Variants in ZFHX3 observed in about 807,000 individuals in gnomAD.
The protein encoded by ZFHX3 is zinc finger homeobox protein 3.
A neutral mutation model predicts 279.1 loss-of-function variants in ZFHX3; 42 were observed. The observed-to-expected ratio is 0.15, with a 90% CI of 0.12 to 0.19. The LOEUF (loss-of-function observed/expected upper bound fraction) is 0.19. ZFHX3 is among the 10% of genes least tolerant of loss of function. ZFHX3 has a pLI of 1.00. For synonymous variants in ZFHX3, 2,293 were observed against 1,957.8 expected, an observed-to-expected ratio of 1.17 and a Z score of -4.52; for missense variants, 4,981 against 4,754.0, an observed-to-expected ratio of 1.05 and a Z score of -1.40.
intron 1 of ZFHX3, among the ~76,000 whole-genome samples, chr16:73,784,934 G>A (rs1959599084): frequency 6.6e-6 from 1 of 151,686 alleles, no homozygotes; most frequent in Admixed American, 6.6e-5. Context: ...CTGCTTCCCA[G>A]AGGAAACCAC....
At chr16:73,264,833 G>T (rs973308053) in intron 4 of ZFHX3, among the ~76,000 whole-genome samples, 1 of 151,986 alleles carries the variant, frequency 6.6e-6, no homozygotes, top group Non-Finnish European at 1.5e-5. Flanking sequence ...AACAATGTTT[G>T]GTTTTCCATT....
intron 1 of ZFHX3, among the ~76,000 whole-genome samples, chr16:73,771,601 A>T (rs1242576021): frequency 6.6e-6 from 1 of 152,138 alleles, no homozygotes; most frequent in African/African-American, 2.4e-5. Flanking sequence ...TTCTGGCTCT[A>T]TCAGACCAAT....
intron 7 of ZFHX3, among the ~76,000 whole-genome samples, chr16:73,109,110 G>A (rs554938862): frequency 1.3e-5 from 2 of 152,344 alleles, no homozygotes; most frequent in East Asian, 1.9e-4. Flanking sequence ...TGGTCTTTCC[G>A]CAGGACTAGA....
intron 7 of ZFHX3, among the ~76,000 whole-genome samples, chr16:73,103,564 A>G (rs1966257693): frequency 6.6e-6 from 1 of 152,076 alleles, no homozygotes; most frequent in Non-Finnish European, 1.5e-5. Flanking sequence ...CAGTACAGTT[A>G]ATTTGTTTTT....
intron 5 of ZFHX3, among the ~76,000 whole-genome samples, chr16:73,151,528 C>G (rs963593733): frequency 6.6e-6 from 1 of 151,586 alleles, no homozygotes; most frequent in Non-Finnish European, 1.5e-5. Context: ...GCCTCCTGCT[C>G]GGTGGGAAAG....
At chr16:73,535,744 A>G (rs2143737689) in intron 2 of ZFHX3, among the ~76,000 whole-genome samples, 1 of 141,132 alleles carries the variant, frequency 7.1e-6, no homozygotes, top group African/African-American at 2.7e-5. Flanking sequence ...TTTTTCTTAG[A>G]AGGAGTCTCC....
In ZFHX3 at chr16:73,721,155, C is replaced by T. The variant is rs551301866; in HGVS notation, c.-1607-40915G>A. Among the ~76,000 whole-genome samples, 4 of 152,132 alleles carry T rather than the reference C, an allele frequency of 2.6e-5. No individual in the cohort carries two copies. The South Asian group carries it at 8.3e-4, about 32-fold the overall frequency. ...TTTTCTTTTTTTTGACAGAGTCTCA[C>T]TCTGTCGCCAGGCTGGCATGCAGTG... On this transcript the variant is annotated intron_variant, in intron 1 of 17. Transcript: ENST00000641206.
chr16:73,736,133 G>A (rs1222951961), intron 1 of ZFHX3, among the ~76,000 whole-genome samples: 1 of 152,090 alleles, frequency 6.6e-6, no homozygotes, highest in African/African-American at 2.4e-5. Context: ...ATGACATTGA[G>A]GTCAGAAATG....
chr16:72,898,038 G>T (rs748324879), intron 3 of ZFHX3, among the ~76,000 whole-genome samples: 2 of 152,176 alleles, frequency 1.3e-5, no homozygotes, highest in African/African-American at 4.8e-5. Flanking sequence ...AACCAGGAGT[G>T]GGGGAGGTTA....
chr16:73,093,201 C>T (rs375198244), intron 8 of ZFHX3: 39 of 519,756 alleles, frequency 7.5e-5, no homozygotes, highest in Non-Finnish European at 1.2e-4. Context: ...GACGACCACG[C>T]GCATGCAGAG....
chr16:73,140,492 G>A (rs965702936), intron 6 of ZFHX3, among the ~76,000 whole-genome samples: 3 of 152,146 alleles, frequency 2.0e-5, no homozygotes, highest in Non-Finnish European at 2.9e-5. Context: ...AAAGGTTTCA[G>A]TTCTACTATT....
intron 3 of ZFHX3, among the ~76,000 whole-genome samples, chr16:72,926,898 C>T (rs1415396400): frequency 6.6e-6 from 1 of 152,154 alleles, no homozygotes; most frequent in Admixed American, 6.5e-5. Flanking sequence ...ATCCTACACA[C>T]AAAGGATTAC....
At chr16:72,859,152 CTTTGT>C (rs1178087743) in intron 4 of ZFHX3, among the ~76,000 whole-genome samples, 1 of 152,202 alleles carries the variant, frequency 6.6e-6, no homozygotes, top group African/African-American at 2.4e-5. Flanking sequence ...GAACTTTCAT[CTTTGT>C]TTTTTCTTTT....
At chr16:73,844,802 G>A (rs930592768) in intron 1 of ZFHX3, among the ~76,000 whole-genome samples, 11 of 151,818 alleles carry the variant, frequency 7.2e-5, no homozygotes, top group African/African-American at 2.7e-4. Context: ...CAGATGATGG[G>A]TAGATCAATG....
intron 1 of ZFHX3, among the ~76,000 whole-genome samples, chr16:73,016,886 G>T (rs1364563837): frequency 6.6e-6 from 1 of 151,690 alleles, no homozygotes; most frequent in African/African-American, 2.4e-5. Context: ...TATCCCAAGA[G>T]AGTTTGCTGA....
intron 2 of ZFHX3, among the ~76,000 whole-genome samples, chr16:73,589,191 G>A (rs1403093662): frequency 1.4e-5 from 2 of 146,468 alleles, no homozygotes; most frequent in African/African-American, 2.5e-5. Flanking sequence ...CCCTCGGAGG[G>A]GAAGGTTGCA....
At chr16:73,889,582 A>T (rs955634580) in intron 1 of ZFHX3, among the ~76,000 whole-genome samples, 15 of 152,222 alleles carry the variant, frequency 9.9e-5, no homozygotes, top group African/African-American at 3.6e-4. Flanking sequence ...ATGATCAAAG[A>T]GGGGCAATAA....
At chr16:73,273,051 G>T (rs891468049) in intron 4 of ZFHX3, among the ~76,000 whole-genome samples, 1 of 152,024 alleles carries the variant, frequency 6.6e-6, no homozygotes, top group African/African-American at 2.4e-5. Flanking sequence ...CCAGCCAAGG[G>T]TGTCTTTTGG....
At chr16:73,052,713 AAAG>A (rs751069101), upstream of ZFHX3, among the ~76,000 whole-genome samples, 2 of 152,324 alleles carry the variant, frequency 1.3e-5, no homozygotes, top group Non-Finnish European at 2.9e-5. Flanking sequence ...TGGATGAAAA[AAAG>A]AAGTCTAAAA....
Sources: gnomAD v4.1 joint callset for allele counts (sites outside exome capture counted in the v4.1 genomes callset) on GRCh38, gnomAD v4.1.1 for gene constraint, MANE v1.5 for transcripts, NCBI Gene and HGNC (gene_info 2026-07-23, HGNC 2026-07-21) for gene names.